STOX2: variants seen among roughly 807,000 people sequenced by gnomAD.
The protein encoded by STOX2 is storkhead-box protein 2.
In STOX2, 28 loss-of-function variants were observed where a neutral mutation model predicts 60.9. The ratio of observed to expected loss-of-function variants is 0.46; its 90% CI spans 0.34 to 0.63. STOX2 has a LOEUF of 0.63. STOX2 is among the 30% of genes least tolerant of loss of function. The pLI is 0.01. For missense variants in STOX2, 1,024 were observed against 1,187.7 expected, an observed-to-expected ratio of 0.86 and a Z score of 2.03; for synonymous variants, 472 against 463.9, an observed-to-expected ratio of 1.02 and a Z score of -0.22.
At chr4:183,810,010 T>C (rs977447467) in intron 1 of STOX2, among the ~76,000 whole-genome samples, 11 of 152,262 alleles carry the variant, frequency 7.2e-5, no homozygotes, top group Admixed American at 3.3e-4. Flanking sequence ...AACAGTAAAC[T>C]GAATTCATAG....
At chr4:183,937,063 A>G (rs2111123389) in intron 1 of STOX2, among the ~76,000 whole-genome samples, 2 of 152,332 alleles carry the variant, frequency 1.3e-5, no homozygotes, top group South Asian at 2.1e-4. Context: ...GAATTCACAC[A>G]TGCATATATT....
chr4:183,885,482 T>C (rs1000132146), intron 1 of STOX2, among the ~76,000 whole-genome samples: 1 of 152,182 alleles, frequency 6.6e-6, no homozygotes, highest in African/African-American at 2.4e-5. Context: ...GTGATGATGA[T>C]TCTGGTTCTG....
chr4:183,880,598 G>T lies in STOX2; in HGVS notation c.364+82543G>T, dbSNP rs1740937580. On this transcript the variant is annotated intron_variant, in intron 1 of 2. Coordinates refer to the STOX2 transcript ENST00000513034. ...CAGAAAAAGTATGTTTGGAGACTAG[G>T]AGAACAGAAAAGATGGCACTAAAAT... Among the ~76,000 whole-genome samples the T allele has an allele frequency of 2.0e-5, 3 of 152,294 alleles. No individual in the cohort carries two copies. The South Asian group carries it at 6.2e-4, about 32-fold the overall frequency.
chr4:183,931,465 C>G (rs1231157399), intron 1 of STOX2, among the ~76,000 whole-genome samples: 1 of 152,048 alleles, frequency 6.6e-6, no homozygotes, highest in Non-Finnish European at 1.5e-5. Flanking sequence ...CTACCATATT[C>G]CTGGTATTAT....
rs1359018107 is a variant in STOX2 at position 183,825,360 on chromosome 4, C to T, written c.364+27305C>T. On this transcript the variant is annotated intron_variant, in intron 1 of 2. Transcript: ENST00000513034. The surrounding 1 kb of genome is among the most constrained non-coding windows in gnomAD (Gnocchi z 4.1). ...GCAGTAGGTTGGGAGGAAGGTGGGCCGGGAGCGGTCAGCCTTCACACAGCT... is the reference window on the plus strand; with the variant it reads ...GCAGTAGGTTGGGAGGAAGGTGGGCTGGGAGCGGTCAGCCTTCACACAGCT... 1.3e-5 allele frequency among the ~76,000 whole-genome samples: 2 copies of T among 152,036 alleles called. No homozygotes were observed. Among genetic ancestry groups the T allele is most frequent in the Non-Finnish European group, 1.5e-5 (1 of 68,024 alleles).
intron 1 of STOX2, among the ~76,000 whole-genome samples, chr4:183,986,920 A>G (rs1732869212): frequency 6.6e-6 from 1 of 152,132 alleles, no homozygotes; most frequent in Non-Finnish European, 1.5e-5. Flanking sequence ...GGGGCGCCTT[A>G]TGAAGAGCTT....
chr4:183,985,692 C>T (rs1383472363), intron 1 of STOX2, among the ~76,000 whole-genome samples: 1 of 152,118 alleles, frequency 6.6e-6, no homozygotes, highest in Admixed American at 6.5e-5. Flanking sequence ...TTTAACCTTT[C>T]ATAGATCATA....
At chr4:183,799,551 A>G (rs1005366668) in intron 1 of STOX2, among the ~76,000 whole-genome samples, 3 of 152,252 alleles carry the variant, frequency 2.0e-5, no homozygotes, top group Non-Finnish European at 4.4e-5. Flanking sequence ...CAAAAGTAGT[A>G]TAACTCAAAA....
intron 1 of STOX2, among the ~76,000 whole-genome samples, chr4:183,918,003 C>T (rs1741980462): frequency 6.6e-6 from 1 of 152,218 alleles, no homozygotes; most frequent in Non-Finnish European, 1.5e-5. Flanking sequence ...GCCTGACACA[C>T]AGTAAGAACC....
intron 1 of STOX2, among the ~76,000 whole-genome samples, chr4:183,984,857 G>A (rs568923401): frequency 3.9e-5 from 6 of 152,180 alleles, no homozygotes; most frequent in Non-Finnish European, 7.3e-5. Flanking sequence ...GAGGCACGGG[G>A]CCAGGAGGAG....
chr4:183,947,088 G>C (rs998035756), intron 1 of STOX2, among the ~76,000 whole-genome samples: 2 of 151,736 alleles, frequency 1.3e-5, no homozygotes, highest in Admixed American at 1.3e-4. Context: ...GTGGGGGGTG[G>C]GGCAAGGGGG....
chr4:183,979,332 A>G (rs548409981), intron 1 of STOX2, among the ~76,000 whole-genome samples: 1 of 152,284 alleles, frequency 6.6e-6, no homozygotes, highest in Admixed American at 6.5e-5. Context: ...TAACTCATTC[A>G]TGAGAACTCC....
chr4:183,842,516 A>G (rs938942428), intron 1 of STOX2, among the ~76,000 whole-genome samples: 1 of 152,206 alleles, frequency 6.6e-6, no homozygotes. Flanking sequence ...ATGTGTGGCA[A>G]TAATACAGGA....
intron 1 of STOX2, among the ~76,000 whole-genome samples, chr4:183,897,990 T>C (rs1399955813): frequency 2.0e-5 from 3 of 152,218 alleles, no homozygotes; most frequent in Non-Finnish European, 4.4e-5. Context: ...TTGAAAAGCT[T>C]ATTTTGAAGT....
At chr4:183,851,780 G>A (rs1270485953) in intron 1 of STOX2, among the ~76,000 whole-genome samples, 28 of 100,522 alleles carry the variant, frequency 2.8e-4, no homozygotes, top group African/African-American at 1.1e-3. Context: ...AAAGGATGAG[G>A]GAAAGGATGA....
chr4:183,818,110 T>C (rs891546242), intron 1 of STOX2, among the ~76,000 whole-genome samples: 3 of 152,074 alleles, frequency 2.0e-5, no homozygotes, highest in Non-Finnish European at 4.4e-5. Context: ...ATAATTTTTT[T>C]TTTTAATTGA....
At chr4:183,833,685 G>A (rs1230584819) in intron 1 of STOX2, among the ~76,000 whole-genome samples, 1 of 151,152 alleles carries the variant, frequency 6.6e-6, no homozygotes, top group Non-Finnish European at 1.5e-5. Flanking sequence ...AAAGCAGGTA[G>A]AAAGAATGTG....
chr4:183,860,741 G>A (rs1054415482), intron 1 of STOX2, among the ~76,000 whole-genome samples: 4 of 152,190 alleles, frequency 2.6e-5, no homozygotes, highest in African/African-American at 9.7e-5. Flanking sequence ...GATAATGTTT[G>A]TGGCTGTCAT....
chr4:183,907,697 A>G (rs927999744), intron 1 of STOX2, among the ~76,000 whole-genome samples: 2 of 152,170 alleles, frequency 1.3e-5, no homozygotes, highest in African/African-American at 4.8e-5. Flanking sequence ...TTCCTGAAGG[A>G]GCCAGTTCTT....
Sources: gnomAD v4.1 joint callset for allele counts (sites outside exome capture counted in the v4.1 genomes callset) on GRCh38, gnomAD v4.1.1 for gene constraint, Gnocchi (gnomAD v3.1) non-coding constraint, MANE v1.5 for transcripts, NCBI Gene and HGNC (gene_info 2026-07-23, HGNC 2026-07-21) for gene names.